Variants in IFT88 observed in about 807,000 individuals in gnomAD.
IFT88 encodes the protein intraflagellar transport protein 88 homolog.
Under a neutral mutation model 119.5 loss-of-function variants are expected in IFT88, and 74 were observed. The ratio of observed to expected loss-of-function variants is 0.62; its 90% confidence interval spans 0.51 to 0.75. IFT88 has a LOEUF of 0.75. IFT88 is among the 30% of genes least tolerant of loss of function. IFT88 has a pLI of 0.00. For missense variants in IFT88, 961 were observed against 977.7 expected, an observed-to-expected ratio of 0.98 and a Z score of 0.23; for synonymous variants, 279 against 316.7, an observed-to-expected ratio of 0.88 and a Z score of 1.26.
intron 7 of IFT88, among the ~76,000 whole-genome samples, chr13:20,593,878 C>T (rs778831432): frequency 4.4e-4 from 66 of 151,476 alleles, no homozygotes; most frequent in Admixed American, 8.6e-4. Context: ...AGCGAGACCC[C>T]GTCTCTACAA....
At chr13:20,683,079 T>C (rs2057500967) in intron 24 of IFT88, among the ~76,000 whole-genome samples, 1 of 152,226 alleles carries the variant, frequency 6.6e-6, no homozygotes. Flanking sequence ...CCTGATTTTT[T>C]CTTAATAACA....
chr13:20,633,133 T>C (rs2442450), intron 16 of IFT88, among the ~76,000 whole-genome samples: 34,019 of 152,100 alleles, frequency 0.22, 4,547 homozygotes, highest in African/African-American at 0.35. Context: ...TTTGTAATGA[T>C]GGAAGCAAGT....
chr13:20,580,538 A>T (rs938613958), intron 2 of IFT88, among the ~76,000 whole-genome samples: 5 of 152,134 alleles, frequency 3.3e-5, no homozygotes, highest in Admixed American at 3.3e-4. Context: ...CTCAAAAAAA[A>T]TAAAAAAACC....
intron 15 of IFT88, among the ~76,000 whole-genome samples, chr13:20,628,441 A>G (rs928148488): frequency 6.6e-6 from 1 of 152,254 alleles, no homozygotes; most frequent in African/African-American, 2.4e-5. Flanking sequence ...TTTTCAGGGA[A>G]ACAAACAAGC....
intron 15 of IFT88, among the ~76,000 whole-genome samples, chr13:20,626,151 C>T (rs776815793): frequency 4.4e-5 from 6 of 137,732 alleles, no homozygotes; most frequent in Admixed American, 8.0e-5. Flanking sequence ...AGCTCTGCCT[C>T]CCGGGTTCAC....
At chr13:20,655,210 G>A (rs2052531516) in intron 21 of IFT88, among the ~76,000 whole-genome samples, 1 of 152,040 alleles carries the variant, frequency 6.6e-6, no homozygotes, top group African/African-American at 2.4e-5. Flanking sequence ...GAGGCTGGCA[G>A]ATCACGAGGT....
intron 10 of IFT88, 114 bp downstream of exon 10, chr13:20,598,867 G>A (rs2042163666): frequency 1.6e-6 from 1 of 621,886 alleles, no homozygotes; most frequent in African/African-American, 1.8e-5. Context: ...AAACAAATCA[G>A]TATTTATGAT....
At chr13:20,633,784 T>C (rs2048572656) in intron 16 of IFT88, among the ~76,000 whole-genome samples, 1 of 152,196 alleles carries the variant, frequency 6.6e-6, no homozygotes, top group Admixed American at 6.5e-5. Flanking sequence ...ATGAGTCTGC[T>C]ATGTAGTTTT....
chr13:20,592,235 A>G, intron 6 of IFT88, 100 bp from the exon 7 acceptor site: 2 of 806,308 alleles, frequency 2.5e-6, no homozygotes, highest in Non-Finnish European at 4.1e-6. Flanking sequence ...CATTTAATAA[A>G]GAGGTAAATG....
intron 22 of IFT88, among the ~76,000 whole-genome samples, chr13:20,661,169 AT>A (rs2053718989): frequency 2.6e-5 from 4 of 152,234 alleles, no homozygotes; most frequent in Admixed American, 2.6e-4. Context: ...TGCTGTCAAA[AT>A]ACAGAGGATC....
chr13:20,667,004 C>T (rs909665411), intron 23 of IFT88, among the ~76,000 whole-genome samples: 2 of 152,180 alleles, frequency 1.3e-5, no homozygotes, highest in African/African-American at 2.4e-5. Context: ...CCACCCACTT[C>T]GCAGAATAAC....
intron 14 of IFT88, among the ~76,000 whole-genome samples, chr13:20,621,526 TAAAAAAAAA>T (rs200491393): frequency 1.8e-4 from 23 of 130,794 alleles, no homozygotes; most frequent in African/African-American, 5.7e-4. Context: ...CCTGCTGAGA[TAAAAAAAAA>T]AAAAAAAAAA....
chr13:20,616,059 T>G (rs1282242566), intron 14 of IFT88, among the ~76,000 whole-genome samples, 180 bp downstream of exon 14: 1 of 152,232 alleles, frequency 6.6e-6, no homozygotes, highest in African/African-American at 2.4e-5. Context: ...AATAAGATAC[T>G]TATTACTCAT....
At chr13:20,669,563 A>G (rs1187616728) in intron 23 of IFT88, among the ~76,000 whole-genome samples, 2 of 151,820 alleles carry the variant, frequency 1.3e-5, no homozygotes, top group Non-Finnish European at 2.9e-5. Flanking sequence ...AGCTGAGATT[A>G]CAGGCGCCTG....
At chr13:20,588,571 A>ACCT (rs756866329) in intron 3 of IFT88, among the ~76,000 whole-genome samples, 43 of 152,374 alleles carry the variant, frequency 2.8e-4, no homozygotes, top group Non-Finnish European at 5.3e-4. Context: ...TTACATTTAC[A>ACCT]TTATTTAAAA....
chr13:20,568,490 G>A (rs1411674019), intron 1 of IFT88, among the ~76,000 whole-genome samples: 1 of 152,172 alleles, frequency 6.6e-6, no homozygotes, highest in East Asian at 1.9e-4. Context: ...CTAGCAGAAA[G>A]GATTTCTCAT....
At chr13:20,586,109 C>T (rs2039617870) in intron 3 of IFT88, among the ~76,000 whole-genome samples, 1 of 152,114 alleles carries the variant, frequency 6.6e-6, no homozygotes, top group Non-Finnish European at 1.5e-5. Flanking sequence ...TTAGAAATGA[C>T]TTTGGAGATT....
intron 15 of IFT88, among the ~76,000 whole-genome samples, chr13:20,630,106 T>G (rs1355656761): frequency 6.6e-6 from 1 of 152,242 alleles, no homozygotes; most frequent in Non-Finnish European, 1.5e-5. Flanking sequence ...CCCAGAATTA[T>G]TTTCTGTTAC....
chr13:20,664,895 C>T (rs1475714520), intron 23 of IFT88, among the ~76,000 whole-genome samples: 3 of 152,116 alleles, frequency 2.0e-5, no homozygotes, highest in African/African-American at 4.8e-5. Context: ...CTGGCTAACA[C>T]ACTGAAACTC....
Sources: allele counts gnomAD v4.1 joint callset (sites outside exome capture counted in the v4.1 genomes callset), GRCh38; gene constraint gnomAD v4.1.1; transcripts MANE v1.5; gene names NCBI Gene and HGNC (gene_info 2026-07-23, HGNC 2026-07-21).